CC2D2B: variants seen among roughly 807,000 people sequenced by gnomAD.
The protein encoded by CC2D2B is coiled-coil and C2 domain containing 2B.
A neutral mutation model predicts 161.2 loss-of-function variants in CC2D2B; 128 were observed. The ratio of observed to expected loss-of-function variants is 0.79; its 90% CI spans 0.69 to 0.92. CC2D2B has a LOEUF of 0.92. CC2D2B is among the 40% of genes least tolerant of loss of function. The probability of loss-of-function intolerance (pLI) is 0.00; values close to 1 mark genes in which losing one functional copy is unlikely to be tolerated. For synonymous variants in CC2D2B, 391 were observed against 449.8 expected (o/e 0.87, Z 1.65); for missense variants, 1,173 against 1,375.1 (o/e 0.85, Z 2.32).
intron 3 of CC2D2B, among the ~76,000 whole-genome samples, chr10:95,922,336 C>T (rs901001615): frequency 1.7e-4 from 26 of 152,166 alleles, no homozygotes; most frequent in African/African-American, 6.0e-4. Context: ...TTTTAGACCA[C>T]AAAGATACAT....
chr10:95,909,920 G>A (rs2098503035), intron 1 of CC2D2B, among the ~76,000 whole-genome samples: 2 of 152,220 alleles, frequency 1.3e-5, no homozygotes, highest in Admixed American at 6.5e-5. Context: ...GCTGAGGCAG[G>A]AGGATTGCTT....
In CC2D2B at chr10:95,981,252, C is replaced by T. The variant is rs182410865; in HGVS notation, c.1944-723C>T. 4.6e-5 allele frequency among the ~76,000 whole-genome samples: 7 copies of T among 152,108 alleles called. No individual in the cohort carries two copies. In the East Asian group the frequency reaches 1.4e-3, roughly 29 times the overall value. Reference sequence around the variant, plus strand: ...ACTAAAAATACACAAGTTAGCCAGGCGTGGTAGCACGTGCCTGTAGTCTCA... The same window carrying T: ...ACTAAAAATACACAAGTTAGCCAGGTGTGGTAGCACGTGCCTGTAGTCTCA... On this transcript the variant is annotated intron_variant, in intron 17 of 34. Coordinates refer to ENST00000646931, the MANE Select transcript of CC2D2B (RefSeq NM_001349008.3).
intron 6 of CC2D2B, among the ~76,000 whole-genome samples, chr10:95,934,973 C>T (rs953821239): frequency 6.6e-6 from 1 of 152,132 alleles, no homozygotes; most frequent in Non-Finnish European, 1.5e-5. Flanking sequence ...TGGCTTCAAG[C>T]GATTCTCTTG....
intron 22 of CC2D2B, among the ~76,000 whole-genome samples, chr10:95,993,900 A>ATGTG (rs1270650458): frequency 2.7e-4 from 11 of 40,064 alleles, no homozygotes; most frequent in East Asian, 1.2e-3. Context: ...GAGAGAGAGA[A>ATGTG]TGTGTGTGTG....
chr10:95,947,126 T>A (rs1184609775), intron 9 of CC2D2B, among the ~76,000 whole-genome samples: 10,423 of 49,236 alleles, frequency 0.21, 1,223 homozygotes, highest in African/African-American at 0.32. Flanking sequence ...TTTTTTTTTT[T>A]TTTTGAGACA....
chr10:96,019,561 CT>C (rs1315257599), intron 31 of CC2D2B, 140 bp from the exon 32 acceptor site: 2 of 889,100 alleles, frequency 2.2e-6, no homozygotes, highest in East Asian at 5.1e-5. Context: ...CCTAGAATCT[CT>C]TTATCTCCTG....
At chr10:96,019,588 G>T in intron 31 of CC2D2B, 114 bp from the exon 32 acceptor site, 1 of 1,061,978 alleles carries the variant, frequency 9.4e-7, no homozygotes, top group Admixed American at 2.6e-5. Flanking sequence ...GAACCCCGCT[G>T]GGATTCTGCC....
intron 16 of CC2D2B, 116 bp from the exon 17 acceptor site, chr10:95,973,893 C>G: frequency 2.2e-6 from 1 of 444,954 alleles, no homozygotes; most frequent in Non-Finnish European, 3.6e-6. Flanking sequence ...GTGGGGTTAG[C>G]ACAGATCTTC....
Position 95,924,842 on chromosome 10 carries a change from A to G in CC2D2B, c.238A>G (p.Lys80Glu), listed in dbSNP as rs1451137099. 1 of 1,541,950 alleles carries G rather than the reference A, an allele frequency of 6.5e-7. No individual in the cohort carries two copies. Among genetic ancestry groups the G allele is most frequent in the Non-Finnish European group, 8.8e-7 (1 of 1,138,734 alleles). ...TGATAGCGAAATACATCAAAGGTCC[A>G]AGGTGAATAACTTTTCTCTTTTTTT... Reference protein sequence around the residue: ...LIDSEIHQRSKLSPQTEVSLD... With the variant: ...LIDSEIHQRSELSPQTEVSLD... Residue 80 changes from lysine (K) to glutamate (E), a missense_variant and splice_region_variant, in exon 5 of 35, where the codon AAG becomes GAG. Physicochemically the swap from Lys to Glu is moderately conservative, Grantham distance 56. Transcript: ENST00000646931.
At chr10:95,993,888 TAGAG>T (rs1306180382) in intron 22 of CC2D2B, among the ~76,000 whole-genome samples, 1 of 99,566 alleles carries the variant, frequency 1.0e-5, no homozygotes, top group Non-Finnish European at 2.0e-5. Flanking sequence ...TATATATATA[TAGAG>T]AGAGAGAATG....
chr10:95,991,579 A>T, intron 21 of CC2D2B, 118 bp downstream of exon 21: 1 of 347,518 alleles, frequency 2.9e-6, no homozygotes. Context: ...GCGGTTTCAG[A>T]TCATAACATG....
rs2077809944 is a variant in CC2D2B at position 95,988,277 on chromosome 10, G to T, written c.2314G>T (p.Val772Leu). Residue 772 changes from valine to leucine, a missense_variant, in exon 20 of 35, where the codon GTA (valine) becomes TTA (leucine). Physicochemically the swap from Val to Leu is conservative, Grantham distance 32. Coordinates refer to ENST00000646931, the MANE Select transcript of CC2D2B (RefSeq NM_001349008.3). ...GTATGAAAGTCAGAAAGAGAAGGAGGTATCCGTTTCAGATGTAAATTCTAT... is the reference window on the plus strand; with the variant it reads ...GTATGAAAGTCAGAAAGAGAAGGAGTTATCCGTTTCAGATGTAAATTCTAT... The part of the protein sequence containing the change: ...QEYESQKEKE[V>L]SVSDVNSITA... 7 of 1,225,930 alleles carry T rather than the reference G, an allele frequency of 5.7e-6. No individual in the cohort carries two copies. The highest frequency in any genetic ancestry group is 3.1e-6 in the Non-Finnish European group (3 of 980,794). The allele number at this position is 1,225,930 out of a possible 1,614,324, so 75.9% of individuals were successfully genotyped here. A position where few individuals can be genotyped will look rare whatever the true frequency, so the allele number is the denominator to read the frequency against.
At chr10:95,924,880 A>T (rs766546466) in intron 5 of CC2D2B, 36 bp downstream of exon 5, 89 of 1,315,558 alleles carry the variant, frequency 6.8e-5, no homozygotes, top group Non-Finnish European at 1.1e-5. Flanking sequence ...TTTTTAAAAC[A>T]GCTTTATGGA....
chr10:96,007,927 G>A (rs563233889), intron 25 of CC2D2B, among the ~76,000 whole-genome samples: 1 of 152,114 alleles, frequency 6.6e-6, no homozygotes, highest in African/African-American at 2.4e-5. Context: ...TGTTATTGAG[G>A]AATGATTAGC....
intron 17 of CC2D2B, 147 bp from the exon 18 acceptor site, chr10:95,981,828 T>C (rs1426439333): frequency 2.4e-6 from 1 of 413,404 alleles, no homozygotes; most frequent in Non-Finnish European, 4.1e-6. Context: ...CTCAACTTTC[T>C]ATTCTATCCA....
intron 34 of CC2D2B, among the ~76,000 whole-genome samples, chr10:96,030,663 G>C (rs2080027818): frequency 6.6e-6 from 1 of 152,132 alleles, no homozygotes; most frequent in South Asian, 2.1e-4. Context: ...CAAGATCAAA[G>C]TGCTGGCAGA....
At chr10:96,031,759 C>T (rs1318922741) in intron 34 of CC2D2B, 61 bp from the exon 35 acceptor site, 2 of 1,363,682 alleles carry the variant, frequency 1.5e-6, no homozygotes, top group Admixed American at 1.9e-5. Context: ...TTTTTGCATA[C>T]AGTAATTCCA....
At chr10:95,994,790 A>G (rs1196780145) in intron 22 of CC2D2B, among the ~76,000 whole-genome samples, 1 of 152,242 alleles carries the variant, frequency 6.6e-6, no homozygotes. Context: ...GAGTAATATT[A>G]AAAGCTAATG....
rs1215263595 is a variant in CC2D2B, at chr10:95,925,185, A to G, written c.240+341A>G. 3.3e-5 allele frequency among the ~76,000 whole-genome samples: 5 copies of G among 152,342 alleles called. No individual in the cohort carries two copies. In the South Asian group the frequency reaches 6.2e-4, roughly 19 times the overall value. On this transcript the variant is annotated intron_variant, in intron 5 of 34. Transcript: ENST00000646931. Reference sequence around the variant, plus strand: ...CATGAATTGAGGAGTGCCACTGTGCAGATGGTTAGGGCTCCACCGAAAGGG... The same window carrying G: ...CATGAATTGAGGAGTGCCACTGTGCGGATGGTTAGGGCTCCACCGAAAGGG...
Sources: gnomAD v4.1 joint callset for allele counts (sites outside exome capture counted in the v4.1 genomes callset) on GRCh38, gnomAD v4.1.1 for gene constraint, MANE v1.5 for transcripts, NCBI Gene and HGNC (gene_info 2026-07-23, HGNC 2026-07-21) for gene names.